The following KDM5B variants were observed in gnomAD, a reference collection of about 807,000 sequenced individuals.
The protein encoded by KDM5B is lysine demethylase 5B.
KDM5B carries 144 observed loss-of-function variants against 193.4 expected under a neutral mutation model. The observed-to-expected ratio is 0.74, with a 90% CI of 0.65 to 0.86. The LOEUF (loss-of-function observed/expected upper bound fraction) is 0.86, where lower values mean the gene tolerates loss of function less well. KDM5B is among the 40% of genes least tolerant of loss of function. The probability of loss-of-function intolerance (pLI) is 0.00; values close to 1 mark genes in which losing one functional copy is unlikely to be tolerated. For missense variants in KDM5B, 1,833 were observed against 1,886.9 expected, an observed-to-expected ratio of 0.97 and a Z score of 0.53; for synonymous variants, 668 against 682.6, an observed-to-expected ratio of 0.98 and a Z score of 0.33.
Position 202,729,190 on chromosome 1 carries a change from G to A in KDM5B, c.4498-17C>T, listed in dbSNP as rs1188129508. 1 of 1,613,856 alleles carries A rather than the reference G, an allele frequency of 6.2e-7. No homozygotes were observed. Among genetic ancestry groups the A allele is most frequent in the East Asian group, 2.2e-5 (1 of 44,880 alleles). The stretch of plus-strand genomic sequence containing the variant: ...CCAGTCCACCTGGTTACAAAGAGCA[G>A]GAAGATGGGGTTTTCAGAGGAAAAA... On this transcript the variant is annotated splice_polypyrimidine_tract_variant and intron_variant, in intron 26 of 26. Coordinates refer to ENST00000367265, the MANE Select transcript of KDM5B (RefSeq NM_006618.5).
At chr1:202,760,110 C>T (rs1301952272) in intron 8 of KDM5B, among the ~76,000 whole-genome samples, 19 of 151,908 alleles carry the variant, frequency 1.3e-4, no homozygotes, top group Admixed American at 9.9e-4. Flanking sequence ...CTTAGGAGTT[C>T]GAGACCAGCC....
chr1:202,777,308 C>G (rs372538921), intron 1 of KDM5B, among the ~76,000 whole-genome samples: 1 of 149,638 alleles, frequency 6.7e-6, no homozygotes, highest in Non-Finnish European at 1.5e-5. Context: ...ACATATACAC[C>G]TCTCCCCACA....
At position 202,731,827 on chromosome 1, in the gene KDM5B, C is replaced by A; in HGVS notation, c.4021+1G>T. 2 of 1,595,200 alleles carry A rather than the reference C, an allele frequency of 1.3e-6. No individual in the cohort carries two copies. Among genetic ancestry groups the A allele is most frequent in the Non-Finnish European group, 1.7e-6 (2 of 1,162,982 alleles). ...CCTCAACGTAATAACAAAATACAAA[C>A]CATGGAGGGGGATACAACTTCGTCC... is the stretch of plus-strand genomic sequence containing the variant. On this transcript the variant is annotated splice_donor_variant, in intron 24 of 26. Transcript: ENST00000367265. LOFTEE classifies it high-confidence loss of function.
rs376845082 is a variant in KDM5B, at chr1:202,727,781, G to C, written c.*1255C>G. On this transcript the variant is annotated 3_prime_UTR_variant, in exon 27 of 27. Coordinates refer to ENST00000367265, the MANE Select transcript of KDM5B (RefSeq NM_006618.5). ...TCCTCTCAAGACATATACTAAACCCGGACCTCTGTGAGGATTAATTTTCCT... is the reference window on the plus strand; with the variant it reads ...TCCTCTCAAGACATATACTAAACCCCGACCTCTGTGAGGATTAATTTTCCT... 17 of 152,712 alleles carry C rather than the reference G, an allele frequency of 1.1e-4. 1 individual carries two copies. Among genetic ancestry groups the C allele is most frequent in the Admixed American group, 6.5e-4 (10 of 15,296 alleles). 9.5% of individuals were successfully genotyped at this position (152,712 alleles called of 1,614,324 possible).
At chr1:202,771,544 C>G (rs1056201215) in intron 4 of KDM5B, among the ~76,000 whole-genome samples, 1 of 151,636 alleles carries the variant, frequency 6.6e-6, no homozygotes, top group Non-Finnish European at 1.5e-5. Context: ...CATGAGCCAC[C>G]GCACCCAGCC....
At chr1:202,742,593 C>T in intron 17 of KDM5B, 62 bp downstream of exon 17, 1 of 1,607,434 alleles carries the variant, frequency 6.2e-7, no homozygotes, top group East Asian at 2.2e-5. Flanking sequence ...AGACAGGAGT[C>T]ACAACAGGTT....
intron 20 of KDM5B, among the ~76,000 whole-genome samples, chr1:202,740,221 C>T (rs1317390959): frequency 7.1e-6 from 1 of 140,720 alleles, no homozygotes; most frequent in South Asian, 2.3e-4. Context: ...GGCGGCTGGC[C>T]GGGTTGGGGG....
rs1051693051 is a variant in KDM5B at position 202,796,665 on chromosome 1, G to A, written c.204+11437C>T. ...GGTTGGTGCTCACTGTGGCTGTGCCGGGGCCCCACTCTCCTTAGAAATGTG... is the reference window on the plus strand; with the variant it reads ...GGTTGGTGCTCACTGTGGCTGTGCCAGGGCCCCACTCTCCTTAGAAATGTG... On this transcript the variant is annotated intron_variant, in intron 1 of 26. Coordinates refer to ENST00000367265, the MANE Select transcript of KDM5B (RefSeq NM_006618.5). The A allele has an allele frequency of 3.1e-5, 5 of 162,328 alleles. No homozygotes were observed. The East Asian group carries it at 6.1e-4, about 20-fold the overall frequency. The allele number at this position is 162,328 out of a possible 1,614,324, so 10.1% of individuals were successfully genotyped here.
chr1:202,733,936 C>T (rs2102216704), intron 22 of KDM5B, 50 bp from the exon 23 acceptor site: 2 of 1,554,020 alleles, frequency 1.3e-6, no homozygotes, highest in East Asian at 2.2e-5. Flanking sequence ...GCTTGGCCTT[C>T]CCCTAAAACT....
chr1:202,771,554 C>T (rs1315495990), intron 4 of KDM5B, among the ~76,000 whole-genome samples: 1 of 150,298 alleles, frequency 6.7e-6, no homozygotes, highest in East Asian at 2.0e-4. Context: ...CGCACCCAGC[C>T]TATTTTTTAT....
intron 1 of KDM5B, among the ~76,000 whole-genome samples, chr1:202,777,597 G>A (rs547264045): frequency 1.3e-5 from 2 of 151,872 alleles, no homozygotes; most frequent in Non-Finnish European, 2.9e-5. Flanking sequence ...GAGCTCAAGC[G>A]ATCTTCCACC....
At chr1:202,774,457 G>C (rs561635649) in intron 3 of KDM5B, among the ~76,000 whole-genome samples, 156 bp downstream of exon 3, 2 of 152,104 alleles carry the variant, frequency 1.3e-5, no homozygotes, top group Non-Finnish European at 1.5e-5. Context: ...ACCCAGGCTG[G>C]TCTCAAGCAA....
In KDM5B at chr1:202,755,336, C is replaced by T; in HGVS notation, c.1473G>A (p.Met491Ile). Residue 491 changes from methionine to isoleucine, a missense_variant, in exon 11 of 27, where the codon ATG becomes ATA. Physicochemically the swap from Met to Ile is conservative, Grantham distance 10 (BLOSUM62 1). This residue lies in a region of KDM5B where 1,379 missense variants were observed against 1,349.6 expected (regional missense o/e 1.02). Transcript: ENST00000367265. ...GMKLPWLYVG[M>I]CFSSFCWHIE... ...TGTGCCAACAGAATGAAGAAAAGCA[C>T]ATTCCCACATACAACCAAGGAAGTT... The T allele has an allele frequency of 6.2e-7, 1 of 1,614,116 alleles. No homozygotes were observed. Among genetic ancestry groups the T allele is most frequent in the Non-Finnish European group, 8.5e-7 (1 of 1,179,970 alleles).
At position 202,725,358 on chromosome 1, in the gene KDM5B, C is replaced by G. The variant is rs941311595; in HGVS notation, c.*3678G>C. 1 of 152,230 alleles carries G rather than the reference C, an allele frequency of 6.6e-6. No individual in the cohort carries two copies. Among genetic ancestry groups the G allele is most frequent in the Non-Finnish European group, 1.5e-5 (1 of 68,048 alleles). The allele number at this position is 152,230 out of a possible 1,614,324, so 9.4% of individuals were successfully genotyped here. ...GGATTTACAACAGTATTACTTTATA[C>G]AAATTCCTACTTTATACAATTTTTT... On this transcript the variant is annotated 3_prime_UTR_variant, in exon 27 of 27. Transcript: ENST00000367265.
intron 1 of KDM5B, among the ~76,000 whole-genome samples, chr1:202,779,913 G>A (rs1031771134): frequency 6.6e-6 from 1 of 151,930 alleles, no homozygotes; most frequent in Admixed American, 6.6e-5. Context: ...AGGAATGTAC[G>A]ATTATTATGG....
chr1:202,752,835 A>T, intron 12 of KDM5B, 70 bp downstream of exon 12: 2 of 1,418,930 alleles, frequency 1.4e-6, no homozygotes, highest in Non-Finnish European at 1.9e-6. Flanking sequence ...ATCATAAAAA[A>T]GTGAATAAAA....
At chr1:202,797,264 T>A (rs1055156214) in intron 1 of KDM5B, among the ~76,000 whole-genome samples, 1 of 151,916 alleles carries the variant, frequency 6.6e-6, no homozygotes, top group African/African-American at 2.4e-5. Context: ...GCCCAGGCCA[T>A]CCTCAGACAC....
At chr1:202,772,990 C>A in intron 4 of KDM5B, 128 bp downstream of exon 4, 1 of 669,390 alleles carries the variant, frequency 1.5e-6, no homozygotes, top group Admixed American at 3.0e-5. Context: ...AGCCACCGCG[C>A]CCCACCAAAA....
intron 19 of KDM5B, 33 bp from the exon 20 acceptor site, chr1:202,740,845 T>C (rs1655308902): frequency 6.4e-7 from 1 of 1,572,252 alleles, no homozygotes; most frequent in East Asian, 2.3e-5. Context: ...TCTTAGCATT[T>C]TATATGATGG....
Sources: allele counts gnomAD v4.1 joint callset (sites outside exome capture counted in the v4.1 genomes callset), GRCh38; gene constraint gnomAD v4.1.1; regional missense constraint gnomAD v4.1.1; transcripts MANE v1.5; gene names NCBI Gene and HGNC (gene_info 2026-07-23, HGNC 2026-07-21).